The following VCAN variants were observed in gnomAD, a reference collection of about 807,000 sequenced individuals.
VCAN encodes the protein versican core protein.
In VCAN, 44 loss-of-function variants were observed where a neutral mutation model predicts 245.5. That is an observed-to-expected ratio of 0.18 (90% CI 0.14 to 0.23). VCAN has a LOEUF of 0.23. Ranked by LOEUF, VCAN falls within the 10% of genes least tolerant of loss-of-function variation. The pLI is 1.00. For synonymous variants in VCAN, 1,413 were observed against 1,437.0 expected (o/e 0.98, Z 0.38); for missense variants, 3,793 against 4,057.9 (o/e 0.93, Z 1.77).
intron 9 of VCAN, among the ~76,000 whole-genome samples, chr5:83,546,668 A>G (rs1258238515): frequency 2.0e-5 from 3 of 151,830 alleles, no homozygotes; most frequent in Non-Finnish European, 2.9e-5. Context: ...GCTTAAGCCC[A>G]GAAGGTCGAG....
rs149735750 is a variant in VCAN, at chr5:83,526,302, AC to A, written c.4003+3994del. On this transcript the variant is annotated intron_variant, in intron 7 of 14. Transcript: ENST00000265077. Reference sequence around the variant, plus strand: ...ATCTCATATAATTTTTTAAAATCACACATTTTCTGTTCTTACAGAATTTTAA... The same window carrying A: ...ATCTCATATAATTTTTTAAAATCACAATTTTCTGTTCTTACAGAATTTTAA... Among the ~76,000 whole-genome samples, 2,580 of 152,300 alleles carry A rather than the reference AC, an allele frequency of 0.017. 141 individuals carry two copies. The East Asian group carries it at 0.19, about 11-fold the overall frequency.
chr5:83,564,230 G>A (rs895717230), intron 12 of VCAN, among the ~76,000 whole-genome samples: 1 of 151,830 alleles, frequency 6.6e-6, no homozygotes, highest in Non-Finnish European at 1.5e-5. Flanking sequence ...ACATAATTAC[G>A]ATTTTGGGGG....
chr5:83,564,551 A>G (rs891538637), intron 12 of VCAN, among the ~76,000 whole-genome samples: 2 of 152,202 alleles, frequency 1.3e-5, no homozygotes, highest in Admixed American at 1.3e-4. Flanking sequence ...CCTAGCAACT[A>G]AGGCAAATAT....
intron 13 of VCAN, among the ~76,000 whole-genome samples, chr5:83,575,981 T>C (rs750722708): frequency 8.5e-5 from 13 of 152,216 alleles, no homozygotes; most frequent in South Asian, 2.1e-4. Flanking sequence ...TAAATGTTTA[T>C]AGGCTTTTAA....
At chr5:83,549,989 C>T (rs1747398295) in intron 10 of VCAN, among the ~76,000 whole-genome samples, 1 of 152,178 alleles carries the variant, frequency 6.6e-6, no homozygotes, top group Admixed American at 6.5e-5. Context: ...TGACTAGTAA[C>T]TTCCCAAGTC....
At position 83,538,812 on chromosome 5, in the gene VCAN, G is replaced by C. The variant is rs756870122; in HGVS notation, c.5809G>C (p.Asp1937His). The change falls in exon 8 of 15, where the codon GAC becomes CAC. Residue 1937 changes from aspartate (D) to histidine (H), a missense_variant. Transcript: ENST00000265077. ...GFPLEEDFSG[D>H]FREYSTVSHP... is the part of the protein sequence containing the mutation. ...TCCTTTGGAGGAAGATTTCAGTGGT[G>C]ACTTTAGAGAATACTCAACAGTGTC... 4.3e-6 allele frequency: 7 copies of C among 1,613,772 alleles called. No individual in the cohort carries two copies. The Admixed American group carries it at 1.0e-4, about 23-fold the overall frequency.
chr5:83,524,348 A>G (rs981387063), intron 7 of VCAN, among the ~76,000 whole-genome samples: 6 of 152,238 alleles, frequency 3.9e-5, no homozygotes, highest in Admixed American at 6.5e-5. Context: ...ATGTGAGACT[A>G]TAATCCACCT....
intron 5 of VCAN, among the ~76,000 whole-genome samples, chr5:83,510,527 A>C (rs145222267): frequency 2.0e-4 from 31 of 152,356 alleles, no homozygotes; most frequent in African/African-American, 7.2e-4. Flanking sequence ...ATAGTGGGCT[A>C]TCAACATTTT....
At chr5:83,477,514 T>G (rs925568495) in intron 1 of VCAN, among the ~76,000 whole-genome samples, 2 of 151,990 alleles carry the variant, frequency 1.3e-5, no homozygotes, top group Non-Finnish European at 2.9e-5. Context: ...AAATATGAAA[T>G]GTAGGGAATA....
intron 1 of VCAN, among the ~76,000 whole-genome samples, chr5:83,473,963 T>G (rs1282994674): frequency 2.0e-5 from 3 of 152,124 alleles, no homozygotes; most frequent in Non-Finnish European, 2.9e-5. Flanking sequence ...CGCGGCGCCC[T>G]GGGTCCAGTT....
At chr5:83,574,381 T>A (rs1748401834) in intron 13 of VCAN, among the ~76,000 whole-genome samples, 1 of 152,194 alleles carries the variant, frequency 6.6e-6, no homozygotes, top group African/African-American at 2.4e-5. Flanking sequence ...CCCATATGCA[T>A]GTTTTTAAAC....
chr5:83,475,737 G>C (rs762295841), intron 1 of VCAN, among the ~76,000 whole-genome samples: 9 of 152,194 alleles, frequency 5.9e-5, no homozygotes, highest in Non-Finnish European at 1.3e-4. Context: ...CAATGTGATT[G>C]AGCAATTACT....
Position 83,521,565 on chromosome 5 carries a change from G to A in VCAN, c.3259G>A (p.Val1087Ile). 1 of 1,614,056 alleles carries A rather than the reference G, an allele frequency of 6.2e-7. No individual in the cohort carries two copies. The highest frequency in any genetic ancestry group is 8.5e-7 in the Non-Finnish European group (1 of 1,180,008). ...EDELLTGSER[V>I]PVLETTPVGK... is the part of the protein sequence containing the mutation. ...TGAATTGTTGACAGGTTCTGAGAGG[G>A]TCCCAGTTTTAGAAACAACTCCAGT... The change falls in exon 7 of 15, where the codon GTC becomes ATC. Residue 1087 changes from valine to isoleucine, a missense_variant. Coordinates refer to ENST00000265077, the MANE Select transcript of VCAN (RefSeq NM_004385.5).
rs367819846 is a variant in VCAN at position 83,493,759 on chromosome 5, G to A, written c.620+39G>A. ...GGGCCACAGGCTTCATTATTAACTT[G>A]AGAGTGAGAAGAAAGTGCCACTAAC... On this transcript the variant is annotated intron_variant, in intron 4 of 14. Transcript: ENST00000265077. 1.1e-5 allele frequency: 17 copies of A among 1,614,026 alleles called. No homozygotes were observed. The African/African-American group carries it at 2.1e-4, about 20-fold the overall frequency.
Position 83,580,760 on chromosome 5 carries a change from C to A in VCAN, c.*326C>A. 2.9e-6 allele frequency: 1 copy of A among 349,840 alleles called. No individual in the cohort carries two copies. Among genetic ancestry groups the A allele is most frequent in the Non-Finnish European group, 5.5e-6 (1 of 180,766 alleles). 21.7% of individuals were successfully genotyped at this position (349,840 alleles called of 1,614,324 possible). ...TATTTAAAATGCTCAATTTCAGCAC[C>A]GATGGCCATGTAAATAAGATGATTT... On this transcript the variant is annotated 3_prime_UTR_variant, in exon 15 of 15. Coordinates refer to ENST00000265077, the MANE Select transcript of VCAN (RefSeq NM_004385.5).
chr5:83,561,778 G>A (rs1259324418), intron 12 of VCAN, among the ~76,000 whole-genome samples: 2 of 152,096 alleles, frequency 1.3e-5, no homozygotes, highest in East Asian at 3.8e-4. Flanking sequence ...AACAAATCAC[G>A]GACCATAAAC....
At position 83,540,122 on chromosome 5, in the gene VCAN, A is replaced by C; in HGVS notation, c.7119A>C (p.Arg2373Ser). The C allele has an allele frequency of 6.2e-7, 1 of 1,614,014 alleles. No homozygotes were observed. The highest frequency in any genetic ancestry group is 8.5e-7 in the Non-Finnish European group (1 of 1,179,990). Reference sequence around the variant, plus strand: ...GGGCAGAAGAAATCCAGACTAGTAGACCACAAACCATAACTGAACAAGACT... The same window carrying C: ...GGGCAGAAGAAATCCAGACTAGTAGCCCACAAACCATAACTGAACAAGACT... ...VRWAEEIQTS[R>S]PQTITEQDSN... Residue 2373 changes from arginine to serine, a missense_variant, in exon 8 of 15, where the codon AGA (arginine) becomes AGC (serine). Transcript: ENST00000265077.
chr5:83,572,288 T>C (rs1748315445), intron 12 of VCAN, 128 bp from the exon 13 acceptor site: 5 of 1,157,564 alleles, frequency 4.3e-6, no homozygotes, highest in South Asian at 3.8e-5. Flanking sequence ...ACCACCAAAA[T>C]AATTTCAGCT....
chr5:83,544,941 T>C (rs1163617238), intron 8 of VCAN: 1 of 154,000 alleles, frequency 6.5e-6, no homozygotes, highest in Non-Finnish European at 1.4e-5. Context: ...GTTTAATCCA[T>C]GTGTTGCTTT....
Sources: gnomAD v4.1 joint callset for allele counts (sites outside exome capture counted in the v4.1 genomes callset) on GRCh38, gnomAD v4.1.1 for gene constraint, MANE v1.5 for transcripts, NCBI Gene and HGNC (gene_info 2026-07-23, HGNC 2026-07-21) for gene names.